The following COL19A1 variants were observed in gnomAD, a reference collection of about 807,000 sequenced individuals.
COL19A1 encodes collagen type XIX alpha 1 chain, also known as collagen alpha-1(XIX) chain.
In COL19A1, 159 loss-of-function variants were observed where a neutral mutation model predicts 190.2. That is an observed-to-expected ratio of 0.84 (90% CI 0.73 to 0.95). The LOEUF is 0.95. Among genes scored for constraint, COL19A1 ranks in the 40% least tolerant of loss-of-function variants. The pLI is 0.00. For missense variants in COL19A1, 1,418 were observed against 1,431.9 expected (o/e 0.99, Z 0.16); for synonymous variants, 509 against 458.9 (o/e 1.11, Z -1.39).
chr6:69,978,937 A>G (rs949862812), intron 11 of COL19A1, among the ~76,000 whole-genome samples: 2 of 151,894 alleles, frequency 1.3e-5, no homozygotes, highest in Non-Finnish European at 2.9e-5. Flanking sequence ...TTCTGAGACT[A>G]TTGTTATATG....
At chr6:70,063,486 G>A (rs1438450950) in intron 14 of COL19A1, among the ~76,000 whole-genome samples, 4 of 152,064 alleles carry the variant, frequency 2.6e-5, no homozygotes, top group African/African-American at 9.7e-5. Flanking sequence ...AAAGCAGTGT[G>A]TAGAGGGAAA....
intron 15 of COL19A1, among the ~76,000 whole-genome samples, chr6:70,080,821 C>T (rs533771164): frequency 6.6e-6 from 1 of 152,228 alleles, no homozygotes; most frequent in South Asian, 2.1e-4. Context: ...AGAGTCCTGC[C>T]TGTGTTTTAT....
intron 15 of COL19A1, among the ~76,000 whole-genome samples, chr6:70,079,698 G>A (rs1421199932): frequency 1.3e-5 from 2 of 152,192 alleles, no homozygotes; most frequent in Non-Finnish European, 2.9e-5. Context: ...GCATGTCTGT[G>A]TTGCACAGAG....
At chr6:70,067,217 G>T (rs540456186) in intron 14 of COL19A1, among the ~76,000 whole-genome samples, 642 of 152,252 alleles carry the variant, frequency 4.2e-3, no homozygotes, top group Non-Finnish European at 7.3e-3. Context: ...TGATGTGAAT[G>T]GATGGAGGAA....
intron 11 of COL19A1, among the ~76,000 whole-genome samples, chr6:69,964,993 G>T (rs1334187371): frequency 6.6e-6 from 1 of 152,092 alleles, no homozygotes; most frequent in Non-Finnish European, 1.5e-5. Context: ...ATAAATAATT[G>T]AGGTCTTGTA....
intron 47 of COL19A1, 95 bp from the exon 48 acceptor site, chr6:70,190,220 C>T (rs891677910): frequency 1.1e-6 from 1 of 901,414 alleles, no homozygotes; most frequent in East Asian, 2.6e-5. Flanking sequence ...TGCATCCCTA[C>T]AGAAGTTTCA....
chr6:70,118,379 C>G (rs557273070), intron 16 of COL19A1, among the ~76,000 whole-genome samples: 3 of 152,184 alleles, frequency 2.0e-5, no homozygotes, highest in Non-Finnish European at 4.4e-5. Context: ...AAGTGAGACA[C>G]TGCCTCACTG....
At chr6:70,028,869 T>A (rs539946329) in intron 12 of COL19A1, among the ~76,000 whole-genome samples, 4 of 152,300 alleles carry the variant, frequency 2.6e-5, no homozygotes, top group Admixed American at 1.3e-4. Context: ...AAACATTCAC[T>A]ATTATTAGAA....
intron 11 of COL19A1, among the ~76,000 whole-genome samples, chr6:69,998,060 G>C (rs1378106096): frequency 6.6e-6 from 1 of 152,044 alleles, no homozygotes; most frequent in Non-Finnish European, 1.5e-5. Flanking sequence ...AAAGGCCTTA[G>C]AATGACATAC....
At chr6:69,987,003 C>G (rs1776350113) in intron 11 of COL19A1, among the ~76,000 whole-genome samples, 1 of 152,214 alleles carries the variant, frequency 6.6e-6, no homozygotes, top group Non-Finnish European at 1.5e-5. Context: ...TCACTGCAGC[C>G]TTGACCTCTT....
intron 14 of COL19A1, among the ~76,000 whole-genome samples, chr6:70,060,913 C>T (rs1386999536): frequency 6.6e-6 from 1 of 152,004 alleles, no homozygotes; most frequent in Non-Finnish European, 1.5e-5. Context: ...CTCTAGAGCT[C>T]ACGGTCAACT....
chr6:70,188,076 G>T lies in COL19A1; in HGVS notation c.2858G>T (p.Gly953Val). 2 of 1,612,812 alleles carry T rather than the reference G, an allele frequency of 1.2e-6. No individual in the cohort carries two copies. The highest frequency in any genetic ancestry group is 1.7e-6 in the Non-Finnish European group (2 of 1,179,538). ...TTGTTATTATTTTTTCCTTAACAGGGTGATCAGGGGATTCCAGGAGACAGA... is the reference window on the plus strand; with the variant it reads ...TTGTTATTATTTTTTCCTTAACAGGTTGATCAGGGGATTCCAGGAGACAGA... ...PGDRGPKGERGDQGIPGDRGS... is the reference protein window; with the variant it reads ...PGDRGPKGERVDQGIPGDRGS... Residue 953 changes from glycine (G) to valine (V), a missense_variant and splice_region_variant, in exon 47 of 51, where the codon GGT becomes GTT. Gly to Val is a moderately radical substitution (Grantham distance 109). Coordinates refer to ENST00000620364, the MANE Select transcript of COL19A1 (RefSeq NM_001858.6).
At chr6:69,909,347 T>C (rs1377583171) in intron 4 of COL19A1, among the ~76,000 whole-genome samples, 1 of 152,114 alleles carries the variant, frequency 6.6e-6, no homozygotes, top group Non-Finnish European at 1.5e-5. Flanking sequence ...ATATCTCTCC[T>C]CTTAGGGGCA....
intron 15 of COL19A1, among the ~76,000 whole-genome samples, chr6:70,072,985 T>TTATTTATG (rs1365558125): frequency 2.5e-4 from 38 of 150,974 alleles, no homozygotes; most frequent in Non-Finnish European, 5.5e-4. Context: ...ATTTATTTAT[T>TTATTTATG]TATTTATTTA....
At position 70,071,821 on chromosome 6, in the gene COL19A1, A is replaced by G. The variant is rs140514408; in HGVS notation, c.1224+3345A>G. Among the ~76,000 whole-genome samples the G allele has an allele frequency of 4.6e-5, 7 of 152,288 alleles. No individual in the cohort carries two copies. In the East Asian group the frequency reaches 1.4e-3, roughly 29 times the overall value. On this transcript the variant is annotated intron_variant, in intron 15 of 50. Coordinates refer to ENST00000620364, the MANE Select transcript of COL19A1 (RefSeq NM_001858.6). ...GGCAGAAAAAGGCCGTACAGAACCA[A>G]GAAGTCAACAGAAGAGCGGTTCTAG...
chr6:69,903,839 T>A (rs1205764761), intron 4 of COL19A1, among the ~76,000 whole-genome samples: 1 of 152,230 alleles, frequency 6.6e-6, no homozygotes, highest in Non-Finnish European at 1.5e-5. Context: ...CCAGGAAGAC[T>A]GTCTCAGCAG....
At chr6:69,876,770 T>C (rs1354018229) in intron 1 of COL19A1, among the ~76,000 whole-genome samples, 3 of 152,214 alleles carry the variant, frequency 2.0e-5, no homozygotes, top group African/African-American at 7.2e-5. Flanking sequence ...ATGAGTTCCT[T>C]CCTTTGAAAT....
intron 11 of COL19A1, among the ~76,000 whole-genome samples, chr6:69,993,890 T>C (rs1776758369): frequency 6.6e-6 from 1 of 151,960 alleles, no homozygotes; most frequent in Admixed American, 6.6e-5. Flanking sequence ...ATTTATTCTT[T>C]CAAAAAGCCA....
At chr6:70,149,681 A>C in intron 27 of COL19A1, 23 bp from the exon 28 acceptor site, 1 of 1,611,270 alleles carries the variant, frequency 6.2e-7, no homozygotes, top group South Asian at 1.1e-5. Context: ...GAATTTTAAT[A>C]ATAAAATCTC....
Sources: gnomAD v4.1 joint callset for allele counts (sites outside exome capture counted in the v4.1 genomes callset) on GRCh38, gnomAD v4.1.1 for gene constraint, MANE v1.5 for transcripts, NCBI Gene and HGNC (gene_info 2026-07-23, HGNC 2026-07-21) for gene names.